Variants in SPG11 observed in about 807,000 individuals in gnomAD.
SPG11 encodes the protein SPG11 vesicle trafficking associated, spatacsin.
A neutral mutation model predicts 274.0 loss-of-function variants in SPG11; 222 were observed. The ratio of observed to expected loss-of-function variants is 0.81; its 90% CI spans 0.73 to 0.91. The LOEUF is 0.91. Ranked by LOEUF, SPG11 falls within the 40% of genes least tolerant of loss-of-function variation. The pLI, the probability that SPG11 is intolerant of heterozygous loss-of-function variation, is 0.00. For missense variants in SPG11, 3,114 were observed against 2,872.7 expected, an observed-to-expected ratio of 1.08 and a Z score of -1.92; for synonymous variants, 1,144 against 1,039.7, an observed-to-expected ratio of 1.10 and a Z score of -1.93.
chr15:44,655,585 TTTC>T (rs1478568288), intron 4 of SPG11, among the ~76,000 whole-genome samples: 2 of 152,208 alleles, frequency 1.3e-5, no homozygotes, highest in African/African-American at 4.8e-5. Context: ...TTCTTAACAT[TTTC>T]TTTTCTGTAG....
At chr15:44,605,728 T>C (rs1474125412) in intron 20 of SPG11, among the ~76,000 whole-genome samples, 5 of 152,204 alleles carry the variant, frequency 3.3e-5, no homozygotes, top group Non-Finnish European at 5.9e-5. Context: ...CTGACACCTA[T>C]GCTTTTAATT....
At chr15:44,629,596 ACTG>A (rs548328543) in intron 8 of SPG11, among the ~76,000 whole-genome samples, 93 of 152,344 alleles carry the variant, frequency 6.1e-4, no homozygotes, top group Middle Eastern at 6.8e-3. Flanking sequence ...TACTGATATC[ACTG>A]CTATTACCCT....
At position 44,613,502 on chromosome 15, in the gene SPG11, T is replaced by A; in HGVS notation, c.3073A>T (p.Lys1025Ter). Reference sequence around the variant, plus strand: ...CAAGGGTGTGCTTCATGTAACTCTTTTTTTTCCAAAAAGGGACAATTTTCA... The same window carrying A: ...CAAGGGTGTGCTTCATGTAACTCTTATTTTTCCAAAAAGGGACAATTTTCA... ...SPENCPFLEK[K>*]ELHEAHPWFE... is the part of the protein sequence containing the mutation. The change falls in exon 17 of 40, where the codon AAA (lysine) becomes TAA (stop). Residue 1025 changes from lysine (K) to a stop codon, truncating the protein, a stop_gained. Coordinates refer to ENST00000261866, the MANE Select transcript of SPG11 (RefSeq NM_025137.4). LOFTEE classifies it high-confidence loss of function. 6.2e-7 allele frequency: 1 copy of A among 1,613,946 alleles called. No individual in the cohort carries two copies. Among genetic ancestry groups the A allele is most frequent in the South Asian group, 1.1e-5 (1 of 91,078 alleles).
At chr15:44,622,177 T>C in intron 13 of SPG11, 43 bp downstream of exon 13, 1 of 1,586,102 alleles carries the variant, frequency 6.3e-7, no homozygotes, top group Non-Finnish European at 8.7e-7. Flanking sequence ...AAATACTATC[T>C]AACGGTATTC....
intron 39 of SPG11, 76 bp downstream of exon 39, chr15:44,564,471 C>A: frequency 6.9e-7 from 1 of 1,452,954 alleles, no homozygotes; most frequent in Non-Finnish European, 9.6e-7. Context: ...GTGTACTTAG[C>A]CATAAAATTC....
intron 27 of SPG11, chr15:44,590,379 C>G (rs1000635788): frequency 1.3e-5 from 2 of 152,156 alleles, no homozygotes; most frequent in African/African-American, 2.4e-5. Context: ...TTCTAGGATG[C>G]TGCAGGAAAA....
Position 44,626,507 on chromosome 15 carries a change from C to T in SPG11, c.2068G>A (p.Glu690Lys), listed in dbSNP as rs1339672840. The T allele has an allele frequency of 1.2e-6, 2 of 1,613,544 alleles. No individual in the cohort carries two copies. The highest frequency in any genetic ancestry group is 2.2e-5 in the South Asian group (2 of 90,986). The part of the protein sequence containing the change: ...SNIWKKLSFE[E>K]VIASAILNNK... ...TTTAAAATGGCGCTGGCAATAACTT[C>T]CTAGGAAAAGAAAAACGTTTGCCTT... Residue 690 changes from glutamate (E) to lysine (K), a missense_variant and splice_region_variant, in exon 11 of 40, where the codon GAA becomes AAA. Glu to Lys is a moderately conservative substitution (Grantham distance 56). Transcript: ENST00000261866.
chr15:44,565,774 C>G, intron 38 of SPG11, 80 bp downstream of exon 38: 1 of 1,567,526 alleles, frequency 6.4e-7, no homozygotes, highest in South Asian at 1.1e-5. Context: ...AGCCCTGAGA[C>G]CTTACCTCTG....
At position 44,615,405 on chromosome 15, in the gene SPG11, T is replaced by C. The variant is rs770401368; in HGVS notation, c.2996A>G (p.His999Arg). ...HSQFILYCLE[H>R]SLQHLLYVYL... Reference sequence around the variant, plus strand: ...GACATAAAGAAGATGCTGCAGACTGTGCTCCAAACAATAGAGAATGAATTG... The same window carrying C: ...GACATAAAGAAGATGCTGCAGACTGCGCTCCAAACAATAGAGAATGAATTG... The change falls in exon 16 of 40, where the codon CAC becomes CGC. Residue 999 changes from histidine (H) to arginine (R), a missense_variant. Transcript: ENST00000261866. The C allele has an allele frequency of 6.2e-7, 1 of 1,613,994 alleles. No individual in the cohort carries two copies. The highest frequency in any genetic ancestry group is 8.5e-7 in the Non-Finnish European group (1 of 1,180,016).
rs1312391984 is a variant in SPG11 at position 44,598,700 on chromosome 15, C to G, written c.3823G>C (p.Ala1275Pro). The G allele has an allele frequency of 6.2e-7, 1 of 1,614,070 alleles. No homozygotes were observed. Among genetic ancestry groups the G allele is most frequent in the Non-Finnish European group, 8.5e-7 (1 of 1,180,042 alleles). Residue 1275 changes from alanine to proline, a missense_variant, in exon 22 of 40, where the codon GCC (alanine) becomes CCC (proline). Ala to Pro is a conservative substitution (Grantham distance 27, BLOSUM62 -1). Coordinates refer to ENST00000261866, the MANE Select transcript of SPG11 (RefSeq NM_025137.4). ...CACTTGTAGCTCAAAATTATATTGG[C>G]CACTTTCATATCAACTCTGAGCTTG... ...SLKLRVDMKV[A>P]NIILSYKCRN...
At chr15:44,654,762 G>A (rs1198280902) in intron 4 of SPG11, among the ~76,000 whole-genome samples, 2 of 152,070 alleles carry the variant, frequency 1.3e-5, no homozygotes, top group African/African-American at 4.8e-5. Flanking sequence ...CTTGAACCCA[G>A]GAGGCGGAGG....
chr15:44,646,658 G>A (rs945456466), intron 7 of SPG11, among the ~76,000 whole-genome samples: 9 of 152,254 alleles, frequency 5.9e-5, no homozygotes, highest in East Asian at 1.9e-4. Context: ...AAAAAAGAGC[G>A]AGGTCATGTC....
rs143306907 is a variant in SPG11 at position 44,590,191 on chromosome 15, C to T, written c.4744-777G>A. 3.6e-3 allele frequency among the ~76,000 whole-genome samples: 551 copies of T among 152,330 alleles called. 12 individuals carry two copies. The East Asian group carries it at 0.037, about 10-fold the overall frequency. On this transcript the variant is annotated intron_variant, in intron 27 of 39. Transcript: ENST00000261866. ...ACATTATAAAAACCGCTTAGAAAGA[C>T]GTGCCTAACATTACTTCGCTAGTTC...
intron 7 of SPG11, among the ~76,000 whole-genome samples, chr15:44,645,775 A>G (rs1007951067): frequency 6.6e-6 from 1 of 152,178 alleles, no homozygotes; most frequent in African/African-American, 2.4e-5. Flanking sequence ...CAAGCAAAAA[A>G]CAACCCCATT....
chr15:44,595,802 A>C (rs2083020957), intron 25 of SPG11, among the ~76,000 whole-genome samples: 1 of 152,220 alleles, frequency 6.6e-6, no homozygotes, highest in Non-Finnish European at 1.5e-5. Flanking sequence ...GCACTAAAGA[A>C]ACAGTGGTGG....
At chr15:44,573,928 G>C (rs1243473787) in intron 31 of SPG11, 183 bp from the exon 32 acceptor site, 1 of 625,792 alleles carries the variant, frequency 1.6e-6, no homozygotes, top group Non-Finnish European at 2.8e-6. Context: ...TTTCACCAAA[G>C]CCAAATCCAG....
intron 26 of SPG11, among the ~76,000 whole-genome samples, chr15:44,593,199 TTTA>T (rs1595856267): frequency 6.6e-6 from 1 of 152,234 alleles, no homozygotes; most frequent in East Asian, 1.9e-4. Context: ...ATTATTATTT[TTTA>T]TTATTTTTTT....
intron 30 of SPG11, among the ~76,000 whole-genome samples, chr15:44,580,014 G>A (rs1345416764): frequency 6.6e-6 from 1 of 152,146 alleles, no homozygotes; most frequent in East Asian, 1.9e-4. Context: ...GTGACAACCA[G>A]AGCAACTTCT....
chr15:44,569,459 A>G lies in SPG11; in HGVS notation c.6524T>C (p.Ile2175Thr). The G allele has an allele frequency of 6.2e-7, 1 of 1,605,940 alleles. No individual in the cohort carries two copies. The highest frequency in any genetic ancestry group is 1.1e-5 in the South Asian group (1 of 89,508). The change falls in exon 35 of 40, where the codon ATA becomes ACA. Residue 2175 changes from isoleucine to threonine, a missense_variant. Coordinates refer to ENST00000261866, the MANE Select transcript of SPG11 (RefSeq NM_025137.4). ...GTGCTTTTTATGCAGCAAATCAAAT[A>G]TGTATGTCATCTCGTTGTACCTTCC... ...GIGRYNEMTY[I>T]FDLLHKKHYF...
Sources: allele counts gnomAD v4.1 joint callset (sites outside exome capture counted in the v4.1 genomes callset), GRCh38; gene constraint gnomAD v4.1.1; transcripts MANE v1.5; gene names NCBI Gene and HGNC (gene_info 2026-07-23, HGNC 2026-07-21).